The following CIMAP1D variants were observed in gnomAD, a reference collection of about 807,000 sequenced individuals.
CIMAP1D encodes the protein protein CIMAP1D.
the CIMAP1D span, chr19:463,679 C>G: frequency 9.9e-7 from 1 of 1,009,294 alleles, no homozygotes; most frequent in Non-Finnish European, 1.4e-6. Flanking sequence ...TCACAGCCCC[C>G]AGGGACTGGA....
At chr19:464,302 G>T in the CIMAP1D span, 2 of 1,542,226 alleles carry the variant, frequency 1.3e-6, no homozygotes, top group South Asian at 2.4e-5. Context: ...GGCGGTGTCC[G>T]ATGGCGCACA....
the CIMAP1D span, chr19:467,781 A>T: frequency 1.4e-6 from 2 of 1,469,724 alleles, no homozygotes; most frequent in East Asian, 4.6e-5. Context: ...AGGAGCCCAG[A>T]GTGCTGAGAG....
chr19:465,889 CGGG>C, the CIMAP1D span, among the ~76,000 whole-genome samples: 35 of 88,460 alleles, frequency 4.0e-4, no homozygotes, highest in African/African-American at 1.6e-3. Context: ...GGTGGATGGG[CGGG>C]TGGATGGATG....
At chr19:472,023 G>A in the CIMAP1D span, among the ~76,000 whole-genome samples, 2 of 152,228 alleles carry the variant, frequency 1.3e-5, no homozygotes, top group Admixed American at 6.5e-5. Flanking sequence ...TGGGATTTCA[G>A]GCGTGAGCCA....
At chr19:468,543 T>C in the CIMAP1D span, among the ~76,000 whole-genome samples, 1 of 152,164 alleles carries the variant, frequency 6.6e-6, no homozygotes, top group Non-Finnish European at 1.5e-5. Flanking sequence ...CCTAAGCCTA[T>C]TTTCCTCATC....
the CIMAP1D span, among the ~76,000 whole-genome samples, chr19:480,821 GGAAGGATGATGGA>G: frequency 8.8e-4 from 115 of 130,154 alleles, 6 homozygotes; most frequent in Middle Eastern, 4.1e-3. Flanking sequence ...AGGATGATGG[GGAAGGATGATGGA>G]AAGGATGATG....
At chr19:483,010 C>T in the CIMAP1D span, among the ~76,000 whole-genome samples, 1 of 152,196 alleles carries the variant, frequency 6.6e-6, no homozygotes, top group Admixed American at 6.5e-5. Flanking sequence ...GCATGTGTTT[C>T]CTCCTCTGAA....
chr19:467,717 G>A, the CIMAP1D span: 2 of 1,611,550 alleles, frequency 1.2e-6, no homozygotes, highest in Non-Finnish European at 8.5e-7. Context: ...TGTGACTTTG[G>A]GGTCCAAGAA....
At chr19:473,215 C>G in the CIMAP1D span, among the ~76,000 whole-genome samples, 7 of 26,446 alleles carry the variant, frequency 2.6e-4, no homozygotes, top group Admixed American at 4.2e-4. Flanking sequence ...GAGACTGAGG[C>G]CTAGGCAGAG....
chr19:467,562 A>G, the CIMAP1D span: 1 of 876,796 alleles, frequency 1.1e-6, no homozygotes, highest in East Asian at 2.4e-5. Context: ...AACTCCAAGG[A>G]TAAGAGGGGG....
At chr19:469,220 A>ATGTT in the CIMAP1D span, among the ~76,000 whole-genome samples, 3 of 147,286 alleles carry the variant, frequency 2.0e-5, no homozygotes, top group Non-Finnish European at 4.5e-5. Context: ...GGCTGGGGAG[A>ATGTT]TTCTTTTTTT....
the CIMAP1D span, among the ~76,000 whole-genome samples, chr19:481,476 G>A: frequency 3.0e-3 from 265 of 88,804 alleles, 10 homozygotes; most frequent in African/African-American, 0.011. Context: ...AGGATGATGG[G>A]GAAGGATGAT....
chr19:478,980 A>AT, the CIMAP1D span, among the ~76,000 whole-genome samples: 1 of 152,258 alleles, frequency 6.6e-6, no homozygotes, highest in Non-Finnish European at 1.5e-5. Flanking sequence ...AGGCAGGCAG[A>AT]TAAGTGAAAC....
chr19:479,302 C>A, the CIMAP1D span, among the ~76,000 whole-genome samples: 8 of 152,022 alleles, frequency 5.3e-5, no homozygotes, highest in African/African-American at 1.9e-4. Flanking sequence ...CTCCTCCTCT[C>A]TGCTCTTGTT....
At chr19:486,774 C>A in the CIMAP1D span, among the ~76,000 whole-genome samples, 1 of 151,702 alleles carries the variant, frequency 6.6e-6, no homozygotes, top group African/African-American at 2.4e-5. Flanking sequence ...ATTAGCCAGG[C>A]GTGGTGGCAG....
chr19:463,549 C>T, the CIMAP1D span: 3 of 476,998 alleles, frequency 6.3e-6, no homozygotes, highest in Non-Finnish European at 1.1e-5. Context: ...CTCCAGCCAG[C>T]TACTGGGGAG....
chr19:470,654 TGCCCCTCCTCCA>T, the CIMAP1D span, among the ~76,000 whole-genome samples: 1 of 152,174 alleles, frequency 6.6e-6, no homozygotes, highest in African/African-American at 2.4e-5. Flanking sequence ...GCTGCTGTCC[TGCCCCTCCTCCA>T]GCCGCCCCTC....
the CIMAP1D span, chr19:464,511 A>C: frequency 1.5e-6 from 1 of 663,632 alleles, no homozygotes; most frequent in East Asian, 2.8e-5. Context: ...CATCCTCCAT[A>C]CACATGGTCT....
the CIMAP1D span, chr19:464,162 C>G: frequency 6.6e-7 from 1 of 1,504,196 alleles, no homozygotes; most frequent in Non-Finnish European, 8.9e-7. Context: ...GGCCCACCAC[C>G]GTGTAGCTGG....
Sources: allele counts gnomAD v4.1 joint callset (sites outside exome capture counted in the v4.1 genomes callset), GRCh38; gene constraint gnomAD v4.1.1; transcripts MANE v1.5; gene names NCBI Gene and HGNC (gene_info 2026-07-23, HGNC 2026-07-21).